Variants in KCTD6 observed in about 807,000 individuals in gnomAD.
KCTD6 encodes the protein BTB/POZ domain-containing protein KCTD6.
Under a neutral mutation model 18.7 loss-of-function variants are expected in KCTD6, and 6 were observed. The observed-to-expected ratio is 0.32, with a 90% CI of 0.18 to 0.63. The LOEUF (loss-of-function observed/expected upper bound fraction) is 0.63, where lower values mean the gene tolerates loss of function less well. KCTD6 is among the 30% of genes least tolerant of loss of function. KCTD6 has a pLI of 0.79. For synonymous variants in KCTD6, 86 were observed against 108.5 expected (o/e 0.79, Z 1.29); for missense variants, 165 against 300.2 (o/e 0.55, Z 3.33).
At position 58,498,873 on chromosome 3, in the gene KCTD6, G is replaced by A. The variant is rs2063191868; in HGVS notation, c.27+91G>A. ...ATGTATTTTTAGGTATATCTTATAA[G>A]AAAAGAAAATTGTGAATTTGTGTAA... is the stretch of plus-strand genomic sequence containing the variant. On this transcript the variant is annotated intron_variant, in intron 2 of 2. Coordinates refer to ENST00000404589, the MANE Select transcript of KCTD6 (RefSeq NM_001128214.2). The surrounding 1 kb of genome is among the most constrained non-coding windows in gnomAD (Gnocchi z 4.6). The A allele has an allele frequency of 9.2e-7, 1 of 1,091,176 alleles. No homozygotes were observed. Among genetic ancestry groups the A allele is most frequent in the Middle Eastern group, 2.0e-4 (1 of 4,882 alleles). 67.6% of individuals were successfully genotyped at this position (1,091,176 alleles called of 1,614,324 possible). A position where few individuals can be genotyped will look rare whatever the true frequency, so the allele number is the denominator to read the frequency against.
chr3:58,498,752 G>A lies in KCTD6; in HGVS notation c.-4G>A, dbSNP rs760881286. The A allele has an allele frequency of 5.6e-6, 9 of 1,611,926 alleles. No individual in the cohort carries two copies. In the Admixed American group the frequency reaches 6.7e-5, roughly 12 times the overall value. ...GGGCTCTTGAAGACGCATCACTGGAGCAGATGGATAATGGAGACTGGGGCT... is the reference window on the plus strand; with the variant it reads ...GGGCTCTTGAAGACGCATCACTGGAACAGATGGATAATGGAGACTGGGGCT... On this transcript the variant is annotated 5_prime_UTR_variant, in exon 2 of 3. Transcript: ENST00000404589. This position sits in a 1 kb window ranked among gnomAD's most constrained non-coding sequence, Gnocchi z 4.6.
rs2063177806 is a variant in KCTD6 at position 58,497,020 on chromosome 3, T to C, written c.-43-1693T>C. Among the ~76,000 whole-genome samples the C allele has an allele frequency of 6.6e-6, 1 of 152,240 alleles. No individual in the cohort carries two copies. The highest frequency in any genetic ancestry group is 1.5e-5 in the Non-Finnish European group (1 of 68,036). ...CAAATTGGCAAAGCCCATTTCTTGG[T>C]CCTGTTTACTTCGGATACTATTTGT... is the stretch of plus-strand genomic sequence containing the variant. On this transcript the variant is annotated intron_variant, in intron 1 of 2. Transcript: ENST00000404589. The surrounding 1 kb of genome is among the most constrained non-coding windows in gnomAD (Gnocchi z 4.2).
At chr3:58,495,971 G>A (rs1366751649) in intron 1 of KCTD6, among the ~76,000 whole-genome samples, 1 of 150,824 alleles carries the variant, frequency 6.6e-6, no homozygotes, top group Non-Finnish European at 1.5e-5. Flanking sequence ...CAGACTTTTC[G>A]TTAACGGCTG....
In KCTD6 at chr3:58,493,299, G is replaced by A. The variant is rs1326127871; in HGVS notation, c.-44+1130G>A. ...CTATGCCTTAGATATGAACGATGGA[G>A]TGGTCAGGATAGCCATGGATGCCAT... On this transcript the variant is annotated intron_variant, in intron 1 of 2. Coordinates refer to ENST00000404589, the MANE Select transcript of KCTD6 (RefSeq NM_001128214.2). The surrounding 1 kb of genome is among the most constrained non-coding windows in gnomAD (Gnocchi z 4.5). Among the ~76,000 whole-genome samples the A allele has an allele frequency of 1.3e-5, 2 of 152,258 alleles. No homozygotes were observed. Among genetic ancestry groups the A allele is most frequent in the Non-Finnish European group, 2.9e-5 (2 of 68,046 alleles).
chr3:58,501,002 C>G lies in KCTD6; in HGVS notation c.84C>G (p.Thr28=), dbSNP rs766063670. 6.2e-7 allele frequency: 1 copy of G among 1,612,012 alleles called. No homozygotes were observed. Among genetic ancestry groups the G allele is most frequent in the East Asian group, 2.2e-5 (1 of 44,864 alleles). The change falls in exon 3 of 3, where the codon ACC becomes ACG. Residue 28 remains threonine, a synonymous_variant. Transcript: ENST00000404589. The surrounding 1 kb of genome is among the most constrained non-coding windows in gnomAD (Gnocchi z 9.7). ...GACACTTGTATACAACGTCTCTCAC[C>G]ACATTGACGCGTTACCCGGATTCCA... ...VGGHLYTTSL[T]TLTRYPDSML...
In KCTD6 at chr3:58,492,751, A is replaced by G. The variant is rs1036223838; in HGVS notation, c.-44+582A>G. Among the ~76,000 whole-genome samples, 3 of 151,862 alleles carry G rather than the reference A, an allele frequency of 2.0e-5. No homozygotes were observed. Among genetic ancestry groups the G allele is most frequent in the Non-Finnish European group, 4.4e-5 (3 of 67,978 alleles). On this transcript the variant is annotated intron_variant, in intron 1 of 2. Coordinates refer to ENST00000404589, the MANE Select transcript of KCTD6 (RefSeq NM_001128214.2). The surrounding 1 kb of genome is among the most constrained non-coding windows in gnomAD (Gnocchi z 6.1). Reference sequence around the variant, plus strand: ...TGGCGTTTTTAATGCTTGATGTCAGAGGTGATAAATGGCCATGGTAATGGG... The same window carrying G: ...TGGCGTTTTTAATGCTTGATGTCAGGGGTGATAAATGGCCATGGTAATGGG...
chr3:58,493,260 T>TA lies in KCTD6; in HGVS notation c.-44+1092dup, dbSNP rs2063162819. 1.3e-5 allele frequency among the ~76,000 whole-genome samples: 2 copies of TA among 152,260 alleles called. No individual in the cohort carries two copies. The highest frequency in any genetic ancestry group is 4.1e-4 in the South Asian group (2 of 4,834). On this transcript the variant is annotated intron_variant, in intron 1 of 2. Coordinates refer to ENST00000404589, the MANE Select transcript of KCTD6 (RefSeq NM_001128214.2). This position sits in a 1 kb window ranked among gnomAD's most constrained non-coding sequence, Gnocchi z 4.5. ...GGCCGAAACCATCAGTCCATACTGA[T>TA]ACTTGATTTTGTGCTATGCCTTAGA...
At chr3:58,500,280 T>A (rs982448009) in intron 2 of KCTD6, 3 of 17,000 alleles carry the variant, frequency 1.8e-4, no homozygotes, top group Non-Finnish European at 3.5e-4. Flanking sequence ...CCCAGTGAAT[T>A]TTTTTTTTTT....
At chr3:58,495,232 C>T (rs999476978) in intron 1 of KCTD6, among the ~76,000 whole-genome samples, 3 of 152,172 alleles carry the variant, frequency 2.0e-5, no homozygotes, top group Non-Finnish European at 4.4e-5. Flanking sequence ...TCAAGATCTT[C>T]CTTCTGCTGC....
At chr3:58,499,626 C>A (rs1237235528) in intron 2 of KCTD6, among the ~76,000 whole-genome samples, 1 of 146,664 alleles carries the variant, frequency 6.8e-6, no homozygotes, top group Non-Finnish European at 1.5e-5. Context: ...CGGCTCATGA[C>A]TTTCCAAGCT....
chr3:58,498,695 G>A lies in KCTD6; in HGVS notation c.-43-18G>A. ...TAGTTATATATGCTATCATATGTCT[G>A]TTTTTCTCCTCTTGAAGTTTCCCTG... On this transcript the variant is annotated intron_variant, in intron 1 of 2. Transcript: ENST00000404589. This position sits in a 1 kb window ranked among gnomAD's most constrained non-coding sequence, Gnocchi z 4.6. 6 of 1,340,334 alleles carry A rather than the reference G, an allele frequency of 4.5e-6. No individual in the cohort carries two copies. The highest frequency in any genetic ancestry group is 6.4e-6 in the Non-Finnish European group (6 of 933,592). 83.0% of individuals were successfully genotyped at this position (1,340,334 alleles called of 1,614,324 possible).
At position 58,492,962 on chromosome 3, in the gene KCTD6, T is replaced by A. The variant is rs1190563519; in HGVS notation, c.-44+793T>A. Among the ~76,000 whole-genome samples, 1 of 152,214 alleles carries A rather than the reference T, an allele frequency of 6.6e-6. No homozygotes were observed. Among genetic ancestry groups the A allele is most frequent in the African/African-American group, 2.4e-5 (1 of 41,460 alleles). ...TTAGGACTTTGTGATAGAAGAGGTTTGGGTGGCAAAGTGACCTGGGATGAC... is the reference window on the plus strand; with the variant it reads ...TTAGGACTTTGTGATAGAAGAGGTTAGGGTGGCAAAGTGACCTGGGATGAC... On this transcript the variant is annotated intron_variant, in intron 1 of 2. Transcript: ENST00000404589. This position sits in a 1 kb window ranked among gnomAD's most constrained non-coding sequence, Gnocchi z 6.1.
rs1179582635 is a variant in KCTD6, at chr3:58,498,128, C to G, written c.-43-585C>G. 6.6e-6 allele frequency: 1 copy of G among 151,962 alleles called. No individual in the cohort carries two copies. Among genetic ancestry groups the G allele is most frequent in the African/African-American group, 2.4e-5 (1 of 41,314 alleles). The allele number at this position is 151,962 out of a possible 1,614,324, so 9.4% of individuals were successfully genotyped here. A position where few individuals can be genotyped will look rare whatever the true frequency, so the allele number is the denominator to read the frequency against. On this transcript the variant is annotated intron_variant, in intron 1 of 2. Coordinates refer to ENST00000404589, the MANE Select transcript of KCTD6 (RefSeq NM_001128214.2). This position sits in a 1 kb window ranked among gnomAD's most constrained non-coding sequence, Gnocchi z 4.6. ...TCCTGAATAGCTAGGATTACAGGTGCCCACCACCACGCCCAGCTAATTTTT... is the reference window on the plus strand; with the variant it reads ...TCCTGAATAGCTAGGATTACAGGTGGCCACCACCACGCCCAGCTAATTTTT...
rs920961770 is a variant in KCTD6 at position 58,492,987 on chromosome 3, C to G, written c.-44+818C>G. On this transcript the variant is annotated intron_variant, in intron 1 of 2. Transcript: ENST00000404589. This position sits in a 1 kb window ranked among gnomAD's most constrained non-coding sequence, Gnocchi z 6.1. ...TGGGTGGCAAAGTGACCTGGGATGA[C>G]CCGGCTCGGCTAAGAATATTTGGGG... Among the ~76,000 whole-genome samples, 4 of 152,174 alleles carry G rather than the reference C, an allele frequency of 2.6e-5. No individual in the cohort carries two copies. The highest frequency in any genetic ancestry group is 7.2e-5 in the African/African-American group (3 of 41,450).
At position 58,500,989 on chromosome 3, in the gene KCTD6, C is replaced by T; in HGVS notation, c.71C>T (p.Thr24Ile). The T allele has an allele frequency of 6.2e-7, 1 of 1,608,132 alleles. No homozygotes were observed. Among genetic ancestry groups the T allele is most frequent in the Non-Finnish European group, 8.5e-7 (1 of 1,177,350 alleles). Reference sequence around the variant, plus strand: ...TTAAATGTAGGTGGACACTTGTATACAACGTCTCTCACCACATTGACGCGT... The same window carrying T: ...TTAAATGTAGGTGGACACTTGTATATAACGTCTCTCACCACATTGACGCGT... ...VTLNVGGHLY[T>I]TSLTTLTRYP... The change falls in exon 3 of 3, where the codon ACA becomes ATA. Residue 24 changes from threonine to isoleucine, a missense_variant. Around this residue, in one of 2 missense-constraint regions of KCTD6, gnomAD observed 59 missense variants for 69.9 expected, o/e 0.84. Coordinates refer to ENST00000404589, the MANE Select transcript of KCTD6 (RefSeq NM_001128214.2).
Position 58,496,129 on chromosome 3 carries a change from T to C in KCTD6, c.-43-2584T>C, listed in dbSNP as rs200766925. On this transcript the variant is annotated intron_variant, in intron 1 of 2. Coordinates refer to ENST00000404589, the MANE Select transcript of KCTD6 (RefSeq NM_001128214.2). This position sits in a 1 kb window ranked among gnomAD's most constrained non-coding sequence, Gnocchi z 5.1. The stretch of plus-strand genomic sequence containing the variant: ...AGTTGAATGGGTTCCTGCCTTTTTT[T>C]GGTGGGGGGGCCTCAGGAGAATTTT... Among the ~76,000 whole-genome samples the C allele has an allele frequency of 8.7e-4, 25 of 28,674 alleles. No individual in the cohort carries two copies. Among genetic ancestry groups the C allele is most frequent in the Non-Finnish European group, 2.7e-4 (3 of 10,918 alleles). 18.8% of individuals were successfully genotyped at this position (28,674 alleles called of 152,430 possible).
At chr3:58,494,964 GTTTTCACAAGAATTT>G (rs777425714) in intron 1 of KCTD6, among the ~76,000 whole-genome samples, 1 of 152,128 alleles carries the variant, frequency 6.6e-6, no homozygotes. Context: ...GGGCAGTGTT[GTTTTCACAAGAATTT>G]TATTTGCATC....
rs756593949 is a variant in KCTD6 at position 58,501,536 on chromosome 3, C to T, written c.618C>T (p.Arg206=). 2 of 1,492,470 alleles carry T rather than the reference C, an allele frequency of 1.3e-6. No individual in the cohort carries two copies. 92.5% of individuals were successfully genotyped at this position (1,492,470 alleles called of 1,614,324 possible). A position where few individuals can be genotyped will look rare whatever the true frequency, so the allele number is the denominator to read the frequency against. The change falls in exon 3 of 3, where the codon CGC becomes CGT. Residue 206 remains arginine, a synonymous_variant. Transcript: ENST00000404589. This position sits in a 1 kb window ranked among gnomAD's most constrained non-coding sequence, Gnocchi z 9.7. ...EYITKQGFTI[R]NTRVHHMSER... Reference sequence around the variant, plus strand: ...TTACAAAACAAGGTTTCACGATCCGCAACACCCGGGTGCATCACATGAGTG... The same window carrying T: ...TTACAAAACAAGGTTTCACGATCCGTAACACCCGGGTGCATCACATGAGTG...
At position 58,496,960 on chromosome 3, in the gene KCTD6, G is replaced by A. The variant is rs150564369; in HGVS notation, c.-43-1753G>A. Among the ~76,000 whole-genome samples, 12 of 152,298 alleles carry A rather than the reference G, an allele frequency of 7.9e-5. No individual in the cohort carries two copies. Among genetic ancestry groups the A allele is most frequent in the Middle Eastern group, 3.4e-3 (1 of 294 alleles). The stretch of plus-strand genomic sequence containing the variant: ...TTTTAAATTGCTCAGTTACTAATCT[G>A]TTGTTATCAGTAACTGAATCAGATC... On this transcript the variant is annotated intron_variant, in intron 1 of 2. Coordinates refer to ENST00000404589, the MANE Select transcript of KCTD6 (RefSeq NM_001128214.2). This position sits in a 1 kb window ranked among gnomAD's most constrained non-coding sequence, Gnocchi z 5.1.
Sources: allele counts gnomAD v4.1 joint callset (sites outside exome capture counted in the v4.1 genomes callset), GRCh38; gene constraint gnomAD v4.1.1; regional missense constraint gnomAD v4.1.1; non-coding constraint Gnocchi (gnomAD v3.1); transcripts MANE v1.5; gene names NCBI Gene and HGNC (gene_info 2026-07-23, HGNC 2026-07-21).